Variants in KATNAL1 observed in about 807,000 individuals in gnomAD.
KATNAL1 encodes katanin p60 ATPase-containing subunit A-like 1.
Under a neutral mutation model 55.2 loss-of-function variants are expected in KATNAL1, and 32 were observed. The observed-to-expected ratio is 0.58, with a 90% CI of 0.44 to 0.78. The LOEUF is 0.78. Ranked by LOEUF, KATNAL1 falls within the 30% of genes least tolerant of loss-of-function variation. KATNAL1 has a pLI of 0.00. For missense variants in KATNAL1, 466 were observed against 600.9 expected, an observed-to-expected ratio of 0.78 and a Z score of 2.35; for synonymous variants, 193 against 193.6, an observed-to-expected ratio of 1.00 and a Z score of 0.02.
intron 4 of KATNAL1, among the ~76,000 whole-genome samples, chr13:30,246,675 C>T (rs1877827150): frequency 6.6e-6 from 1 of 152,116 alleles, no homozygotes; most frequent in South Asian, 2.1e-4. Context: ...CCACAATCCA[C>T]AAGGAACTTA....
At chr13:30,248,787 C>T (rs777327952) in intron 4 of KATNAL1, among the ~76,000 whole-genome samples, 22 of 152,000 alleles carry the variant, frequency 1.4e-4, no homozygotes, top group Non-Finnish European at 3.1e-4. Flanking sequence ...TGGCCAGGTG[C>T]GGGGGCTCAC....
intron 3 of KATNAL1, among the ~76,000 whole-genome samples, chr13:30,267,894 C>G (rs751945738): frequency 2.0e-5 from 3 of 152,130 alleles, no homozygotes; most frequent in Non-Finnish European, 4.4e-5. Context: ...GAGACAGGGT[C>G]GTAGCCCCAC....
At chr13:30,275,008 G>A (rs373459114) in intron 3 of KATNAL1, among the ~76,000 whole-genome samples, 93 of 151,930 alleles carry the variant, frequency 6.1e-4, no homozygotes, top group African/African-American at 2.2e-3. Flanking sequence ...TGTGGCAGGT[G>A]AAACAGGCCA....
chr13:30,297,152 A>G (rs1465215861), intron 1 of KATNAL1, among the ~76,000 whole-genome samples: 4 of 151,800 alleles, frequency 2.6e-5, no homozygotes. Context: ...CTAAAAAAAA[A>G]AAAAAAGAAA....
At chr13:30,257,492 T>C (rs1436748443) in intron 3 of KATNAL1, among the ~76,000 whole-genome samples, 1 of 152,214 alleles carries the variant, frequency 6.6e-6, no homozygotes, top group African/African-American at 2.4e-5. Flanking sequence ...TGCTTGCCCA[T>C]GGCTGGGCTT....
At chr13:30,245,581 G>T (rs1877708054) in intron 4 of KATNAL1, among the ~76,000 whole-genome samples, 1 of 152,118 alleles carries the variant, frequency 6.6e-6, no homozygotes, top group Non-Finnish European at 1.5e-5. Flanking sequence ...AAGAAATAAA[G>T]GGGATTCAAA....
At chr13:30,231,214 C>T (rs909679407) in intron 7 of KATNAL1, 100 bp downstream of exon 7, 3 of 875,548 alleles carry the variant, frequency 3.4e-6, no homozygotes, top group Non-Finnish European at 5.1e-6. Flanking sequence ...TAGAACTACA[C>T]TGCCCTTTTC....
At chr13:30,288,243 T>G (rs1281009428) in intron 1 of KATNAL1, among the ~76,000 whole-genome samples, 1 of 152,212 alleles carries the variant, frequency 6.6e-6, no homozygotes, top group Non-Finnish European at 1.5e-5. Flanking sequence ...CAATTCAGCA[T>G]AATCATTGTT....
At chr13:30,248,691 A>G (rs934728201) in intron 4 of KATNAL1, among the ~76,000 whole-genome samples, 17 of 152,032 alleles carry the variant, frequency 1.1e-4, no homozygotes, top group African/African-American at 4.1e-4. Flanking sequence ...TTGGGAGGCC[A>G]AGGCAGGTGG....
chr13:30,210,219 T>C lies in KATNAL1; in HGVS notation c.1274+97A>G, dbSNP rs932333558. 4 of 980,408 alleles carry C rather than the reference T, an allele frequency of 4.1e-6. No homozygotes were observed. In the African/African-American group the frequency reaches 5.0e-5, roughly 12 times the overall value. The allele number at this position is 980,408 out of a possible 1,614,324, so 60.7% of individuals were successfully genotyped here. ...TTAAAGAAATGGGTAGCTGCTTTCATGTCTAACTACACTGGGCTAACTACA... is the reference window on the plus strand; with the variant it reads ...TTAAAGAAATGGGTAGCTGCTTTCACGTCTAACTACACTGGGCTAACTACA... On this transcript the variant is annotated intron_variant, in intron 10 of 10. Coordinates refer to ENST00000380615, the MANE Select transcript of KATNAL1 (RefSeq NM_032116.5).
At position 30,205,507 on chromosome 13, in the gene KATNAL1, A is replaced by G. The variant is rs1397061749; in HGVS notation, c.*3033T>C. On this transcript the variant is annotated 3_prime_UTR_variant, in exon 11 of 11. Coordinates refer to ENST00000380615, the MANE Select transcript of KATNAL1 (RefSeq NM_032116.5). ...GGAGCCAAATATTTTTCCTTTGATA[A>G]TGCATCTGCTACCGCAACACTGAAT... 6.6e-6 allele frequency: 1 copy of G among 152,280 alleles called. No individual in the cohort carries two copies. Among genetic ancestry groups the G allele is most frequent in the Non-Finnish European group, 1.5e-5 (1 of 68,052 alleles). The allele number at this position is 152,280 out of a possible 1,614,324, so 9.4% of individuals were successfully genotyped here.
In KATNAL1 at chr13:30,203,141, A is replaced by G. The variant is rs533018790; in HGVS notation, c.*5399T>C. The G allele has an allele frequency of 6.6e-6, 1 of 152,360 alleles. No homozygotes were observed. Among genetic ancestry groups the G allele is most frequent in the South Asian group, 2.1e-4 (1 of 4,830 alleles). 9.4% of individuals were successfully genotyped at this position (152,360 alleles called of 1,614,324 possible). A position where few individuals can be genotyped will look rare whatever the true frequency, so the allele number is the denominator to read the frequency against. ...TGCTTTGAATGCAATACATCCAAAT[A>G]ATGAAGCTGACCATAACAAAGACGG... On this transcript the variant is annotated 3_prime_UTR_variant, in exon 11 of 11. Transcript: ENST00000380615.
intron 3 of KATNAL1, among the ~76,000 whole-genome samples, chr13:30,277,988 A>C (rs1389618253): frequency 2.1e-5 from 2 of 94,448 alleles, no homozygotes; most frequent in African/African-American, 6.5e-5. Flanking sequence ...GTCTCAAAAA[A>C]AAAAAAAAAA....
chr13:30,261,252 C>T (rs529981575), intron 3 of KATNAL1, among the ~76,000 whole-genome samples: 6 of 152,012 alleles, frequency 3.9e-5, no homozygotes, highest in African/African-American at 1.2e-4. Context: ...CGATACCAGC[C>T]GCTGCAAAAT....
At chr13:30,295,883 C>A (rs141070714) in intron 1 of KATNAL1, among the ~76,000 whole-genome samples, 13 of 152,108 alleles carry the variant, frequency 8.5e-5, no homozygotes, top group African/African-American at 2.9e-4. Context: ...AGAGTCAATA[C>A]GTCCACCAAA....
At chr13:30,236,538 T>G (rs1876707615) in intron 6 of KATNAL1, among the ~76,000 whole-genome samples, 1 of 152,210 alleles carries the variant, frequency 6.6e-6, no homozygotes, top group South Asian at 2.1e-4. Flanking sequence ...TCTGCAGGCA[T>G]TTGTCCTCAT....
intron 3 of KATNAL1, among the ~76,000 whole-genome samples, chr13:30,268,866 A>G (rs549622992): frequency 3.3e-5 from 5 of 152,308 alleles, no homozygotes; most frequent in Admixed American, 3.3e-4. Flanking sequence ...TTCAACAAAT[A>G]CTTACTGAAT....
rs759053442 is a variant in KATNAL1, at chr13:30,230,449, ATAAT to A, written c.1012+15_1012+18del. On this transcript the variant is annotated intron_variant, in intron 8 of 10. Coordinates refer to ENST00000380615, the MANE Select transcript of KATNAL1 (RefSeq NM_032116.5). ...ATTTAAAAATGAGAGTTTTGAAACA[ATAAT>A]TAAATATCAATTACCATCCATCTGA... is the stretch of plus-strand genomic sequence containing the variant. The A allele has an allele frequency of 7.5e-6, 12 of 1,600,526 alleles. No individual in the cohort carries two copies. Among genetic ancestry groups the A allele is most frequent in the African/African-American group, 1.3e-5 (1 of 74,502 alleles).
rs956708297 is a variant in KATNAL1, at chr13:30,217,385, C to T, written c.1148-6943G>A. On this transcript the variant is annotated intron_variant, in intron 9 of 10. Transcript: ENST00000380615. ...AGGAGAATGGCGTGAACTCAGGGGG[C>T]GGAGCTTGCAGTGAGCTGAGATCGC... 1.1e-4 allele frequency among the ~76,000 whole-genome samples: 16 copies of T among 152,188 alleles called. No homozygotes were observed. The East Asian group carries it at 2.5e-3, about 24-fold the overall frequency.
Sources: gnomAD v4.1 joint callset for allele counts (sites outside exome capture counted in the v4.1 genomes callset) on GRCh38, gnomAD v4.1.1 for gene constraint, MANE v1.5 for transcripts, NCBI Gene and HGNC (gene_info 2026-07-23, HGNC 2026-07-21) for gene names.